The following STAT3 variants were observed in gnomAD, a reference collection of about 807,000 sequenced individuals.
STAT3 encodes DNA-binding protein APRF.
A neutral mutation model predicts 114.3 loss-of-function variants in STAT3; 7 were observed. That is an observed-to-expected ratio of 0.06 (90% CI 0.03 to 0.11). The LOEUF (loss-of-function observed/expected upper bound fraction) is 0.11, where lower values mean the gene tolerates loss of function less well. Ranked by LOEUF, STAT3 falls within the 10% of genes least tolerant of loss-of-function variation. The probability of loss-of-function intolerance (pLI) is 1.00; values close to 1 mark genes in which losing one functional copy is unlikely to be tolerated. For synonymous variants in STAT3, 331 were observed against 354.5 expected, an observed-to-expected ratio of 0.93 and a Z score of 0.74; for missense variants, 364 against 960.9, an observed-to-expected ratio of 0.38 and a Z score of 8.21.
intron 1 of STAT3, among the ~76,000 whole-genome samples, chr17:42,384,128 ATTTATTTT>A (rs1410014721): frequency 4.6e-5 from 4 of 86,394 alleles, no homozygotes; most frequent in Middle Eastern, 5.7e-3. Flanking sequence ...TTATTTATTT[ATTTATTTT>A]TTTTTTTTTT....
chr17:42,316,656 C>T, intron 23 of STAT3, 133 bp downstream of exon 23: 1 of 1,543,524 alleles, frequency 6.5e-7, no homozygotes, highest in Non-Finnish European at 8.7e-7. Context: ...TTCATACCAT[C>T]TCTTTTGGAA....
In STAT3 at chr17:42,388,412, T is replaced by C. The variant is rs1170853204; in HGVS notation, c.-157A>G. On this transcript the variant is annotated 5_prime_UTR_variant, in exon 1 of 24. Coordinates refer to ENST00000264657, the MANE Select transcript of STAT3 (RefSeq NM_139276.3). Reference sequence around the variant, plus strand: ...GCCAAGCCGGGGTGCCTGTCCAGGATCCGGTTGGGGCTTGTTCCCTCGGCT... The same window carrying C: ...GCCAAGCCGGGGTGCCTGTCCAGGACCCGGTTGGGGCTTGTTCCCTCGGCT... The C allele has an allele frequency of 1.3e-5, 16 of 1,231,660 alleles. No homozygotes were observed. The East Asian group carries it at 4.7e-4, about 36-fold the overall frequency. 76.3% of individuals were successfully genotyped at this position (1,231,660 alleles called of 1,614,324 possible).
At chr17:42,345,492 C>T (rs2082655603) in intron 4 of STAT3, 67 bp downstream of exon 4, 2 of 1,280,784 alleles carry the variant, frequency 1.6e-6, no homozygotes, top group Non-Finnish European at 2.2e-6. Context: ...AATAATTTAT[C>T]TCATTATAAA....
At chr17:42,321,670 A>T (rs1162544509) in intron 21 of STAT3, among the ~76,000 whole-genome samples, 3 of 152,166 alleles carry the variant, frequency 2.0e-5, no homozygotes, top group African/African-American at 2.4e-5. Context: ...GTTCAGTTAC[A>T]GGCAAAAAGC....
chr17:42,317,276 A>G, intron 21 of STAT3, 52 bp from the exon 22 acceptor site: 1 of 1,601,792 alleles, frequency 6.2e-7, no homozygotes, highest in Non-Finnish European at 8.5e-7. Context: ...GCATTCAGTA[A>G]GCAGAGCTGG....
intron 1 of STAT3, among the ~76,000 whole-genome samples, chr17:42,367,286 C>CCGAG (rs2083854851): frequency 1.3e-5 from 2 of 152,126 alleles, no homozygotes; most frequent in Non-Finnish European, 2.9e-5. Context: ...TTGCAATGAG[C>CCGAG]CGAGATTGCG....
At chr17:42,327,907 G>A (rs770032270) in intron 14 of STAT3, among the ~76,000 whole-genome samples, 8 of 151,944 alleles carry the variant, frequency 5.3e-5, no homozygotes, top group Non-Finnish European at 7.4e-5. Flanking sequence ...TTAGCCAGGC[G>A]TGGTGGCATG....
At chr17:42,381,721 G>A (rs1260717233) in intron 1 of STAT3, among the ~76,000 whole-genome samples, 7 of 135,286 alleles carry the variant, frequency 5.2e-5, no homozygotes, top group African/African-American at 8.7e-5. Context: ...GACAGAGCGA[G>A]ACTCCATCTC....
At chr17:42,327,707 A>G (rs1050479985) in intron 14 of STAT3, among the ~76,000 whole-genome samples, 2 of 152,208 alleles carry the variant, frequency 1.3e-5, no homozygotes, top group African/African-American at 4.8e-5. Context: ...GTCTCACATC[A>G]GTACAGCAAC....
chr17:42,333,527 A>T lies in STAT3; in HGVS notation c.1049+146T>A. On this transcript the variant is annotated intron_variant, in intron 10 of 23. Transcript: ENST00000264657. The surrounding 1 kb of genome is among the most constrained non-coding windows in gnomAD (Gnocchi z 5.2). ...CATCAGAATCAGAGAGCAAGCAGATAGTATGGCAACAAATTTCAACCCCGC... is the reference window on the plus strand; with the variant it reads ...CATCAGAATCAGAGAGCAAGCAGATTGTATGGCAACAAATTTCAACCCCGC... 1 of 877,558 alleles carries T rather than the reference A, an allele frequency of 1.1e-6. No individual in the cohort carries two copies. The highest frequency in any genetic ancestry group is 1.8e-6 in the Non-Finnish European group (1 of 545,966). 54.4% of individuals were successfully genotyped at this position (877,558 alleles called of 1,614,324 possible). A position where few individuals can be genotyped will look rare whatever the true frequency, so the allele number is the denominator to read the frequency against.
chr17:42,339,646 T>C (rs1308926434), intron 4 of STAT3, among the ~76,000 whole-genome samples: 1 of 152,132 alleles, frequency 6.6e-6, no homozygotes, highest in African/African-American at 2.4e-5. Flanking sequence ...TAAGACATGG[T>C]CTATGCCTTC....
At chr17:42,372,458 A>C (rs2084203895) in intron 1 of STAT3, among the ~76,000 whole-genome samples, 1 of 152,214 alleles carries the variant, frequency 6.6e-6, no homozygotes, top group Non-Finnish European at 1.5e-5. Context: ...CAATCTGAAA[A>C]GGCTACACAC....
chr17:42,372,481 T>A (rs2084205335), intron 1 of STAT3, among the ~76,000 whole-genome samples: 1 of 152,210 alleles, frequency 6.6e-6, no homozygotes, highest in Admixed American at 6.6e-5. Context: ...TATGTCCAAC[T>A]ATATGACATT....
At chr17:42,336,873 A>G (rs1372643671) in intron 8 of STAT3, among the ~76,000 whole-genome samples, 1 of 152,056 alleles carries the variant, frequency 6.6e-6, no homozygotes, top group Non-Finnish European at 1.5e-5. Flanking sequence ...ATACAGTTAA[A>G]CCAAAAGCCT....
At chr17:42,318,064 T>G (rs1696543987) in intron 21 of STAT3, among the ~76,000 whole-genome samples, 1 of 152,012 alleles carries the variant, frequency 6.6e-6, no homozygotes, top group African/African-American at 2.4e-5. Context: ...ACGATTCTCC[T>G]GCCTTAGGCT....
intron 21 of STAT3, among the ~76,000 whole-genome samples, chr17:42,318,012 G>A (rs2081317898): frequency 6.6e-6 from 1 of 152,128 alleles, no homozygotes; most frequent in South Asian, 2.1e-4. Context: ...CAAGTGCAGT[G>A]GCACAATCTC....
At chr17:42,372,374 T>C (rs1264959913) in intron 1 of STAT3, among the ~76,000 whole-genome samples, 1 of 151,922 alleles carries the variant, frequency 6.6e-6, no homozygotes, top group East Asian at 1.9e-4. Flanking sequence ...TACTCACCAA[T>C]GAAAAGAAAC....
rs772642110 is a variant in STAT3 at position 42,331,550 on chromosome 17, T to C, written c.1050-19A>G. On this transcript the variant is annotated intron_variant, in intron 10 of 23. Transcript: ENST00000264657. ...CAGCAACCTATTTAAAAAGAAAAAA[T>C]CCAAGGAAAAAAAGTCAGTAACTCT... is the stretch of plus-strand genomic sequence containing the variant. 8.1e-6 allele frequency: 13 copies of C among 1,609,936 alleles called. No homozygotes were observed. In the African/African-American group the frequency reaches 1.7e-4, roughly 22 times the overall value.
chr17:42,324,878 T>C lies in STAT3; in HGVS notation c.1465-32A>G, dbSNP rs1385235800. ...GAAAGAACACATTTGCTTGTTTAGA[T>C]GAGGGATGGTGCTCATTGTCTATAC... On this transcript the variant is annotated intron_variant, in intron 16 of 23. Coordinates refer to ENST00000264657, the MANE Select transcript of STAT3 (RefSeq NM_139276.3). This position sits in a 1 kb window ranked among gnomAD's most constrained non-coding sequence, Gnocchi z 4.5. 1.9e-6 allele frequency: 3 copies of C among 1,614,178 alleles called. No homozygotes were observed. Among genetic ancestry groups the C allele is most frequent in the Non-Finnish European group, 2.5e-6 (3 of 1,180,044 alleles).
Sources: gnomAD v4.1 joint callset for allele counts (sites outside exome capture counted in the v4.1 genomes callset) on GRCh38, gnomAD v4.1.1 for gene constraint, Gnocchi (gnomAD v3.1) non-coding constraint, MANE v1.5 for transcripts, NCBI Gene and HGNC (gene_info 2026-07-23, HGNC 2026-07-21) for gene names.